The following SMIM13 variants were observed in gnomAD, a reference collection of about 807,000 sequenced individuals.
The protein encoded by SMIM13 is small integral membrane protein 13.
A neutral mutation model predicts 5.9 loss-of-function variants in SMIM13; 3 were observed. That is an observed-to-expected ratio of 0.51 (90% CI 0.23 to 1.31). SMIM13 has a LOEUF of 1.31. Among genes scored for constraint, SMIM13 ranks in the 40% most tolerant of loss-of-function variants. The pLI is 0.18. For synonymous variants in SMIM13, 55 were observed against 46.0 expected, an observed-to-expected ratio of 1.19 and a Z score of -0.79; for missense variants, 85 against 109.9, an observed-to-expected ratio of 0.77 and a Z score of 1.01.
At chr6:11,110,414 C>G (rs887061390) in intron 1 of SMIM13, among the ~76,000 whole-genome samples, 2 of 152,190 alleles carry the variant, frequency 1.3e-5, no homozygotes, top group Non-Finnish European at 1.5e-5. Context: ...ATTCTAGCAA[C>G]AGAATGATTA....
At chr6:11,124,051 ATTG>A (rs1359104812) in intron 1 of SMIM13, among the ~76,000 whole-genome samples, 1 of 152,134 alleles carries the variant, frequency 6.6e-6, no homozygotes, top group Non-Finnish European at 1.5e-5. Context: ...ACAGTAAGTT[ATTG>A]TTGACTGTAA....
rs1322720091 is a variant in SMIM13, at chr6:11,136,478, A to G, written c.*1876A>G. Reference sequence around the variant, plus strand: ...AAAATATCTATTTAACCTCTATTTTATGATGGTGTGTTATTATGTTTGATA... The same window carrying G: ...AAAATATCTATTTAACCTCTATTTTGTGATGGTGTGTTATTATGTTTGATA... On this transcript the variant is annotated 3_prime_UTR_variant, in exon 2 of 2. Coordinates refer to ENST00000416247, the MANE Select transcript of SMIM13 (RefSeq NM_001135575.2). 2 of 152,196 alleles carry G rather than the reference A, an allele frequency of 1.3e-5. No individual in the cohort carries two copies. The highest frequency in any genetic ancestry group is 2.9e-5 in the Non-Finnish European group (2 of 68,028). The allele number at this position is 152,196 out of a possible 1,614,324, so 9.4% of individuals were successfully genotyped here.
chr6:11,133,679 T>A (rs1031888413), intron 1 of SMIM13, among the ~76,000 whole-genome samples: 1 of 152,180 alleles, frequency 6.6e-6, no homozygotes, highest in African/African-American at 2.4e-5. Context: ...TTGATTAATG[T>A]TTGTTCCTTA....
intron 1 of SMIM13, among the ~76,000 whole-genome samples, chr6:11,121,525 C>G (rs1234585252): frequency 1.3e-5 from 2 of 152,032 alleles, no homozygotes; most frequent in Admixed American, 1.3e-4. Flanking sequence ...GCCCAGAGTC[C>G]GGATTAGGTT....
At chr6:11,116,049 A>C (rs1581916871) in intron 1 of SMIM13, among the ~76,000 whole-genome samples, 14 of 95,226 alleles carry the variant, frequency 1.5e-4, no homozygotes, top group African/African-American at 3.9e-4. Flanking sequence ...ACAGAGTCTC[A>C]CTCTGTCACT....
At chr6:11,113,854 G>A (rs961753404) in intron 1 of SMIM13, among the ~76,000 whole-genome samples, 3 of 151,968 alleles carry the variant, frequency 2.0e-5, no homozygotes, top group African/African-American at 4.8e-5. Context: ...TGGGATTACA[G>A]GCATGAGCCA....
intron 1 of SMIM13, among the ~76,000 whole-genome samples, chr6:11,122,138 AT>A (rs1758320322): frequency 6.6e-6 from 1 of 152,168 alleles, no homozygotes; most frequent in African/African-American, 2.4e-5. Flanking sequence ...CTGCATGTCC[AT>A]CGCAATCATT....
At chr6:11,117,058 T>G (rs1758249879) in intron 1 of SMIM13, among the ~76,000 whole-genome samples, 1 of 137,032 alleles carries the variant, frequency 7.3e-6, no homozygotes, top group South Asian at 2.6e-4. Flanking sequence ...TGGCGCGATC[T>G]CGGCTCACTG....
chr6:11,122,192 T>C (rs942374943), intron 1 of SMIM13, among the ~76,000 whole-genome samples: 2 of 152,212 alleles, frequency 1.3e-5, no homozygotes, highest in Non-Finnish European at 2.9e-5. Flanking sequence ...TCCCTGGAGA[T>C]TGATTTTGGG....
intron 1 of SMIM13, among the ~76,000 whole-genome samples, chr6:11,126,212 G>C (rs546500941): frequency 1.3e-5 from 2 of 152,160 alleles, no homozygotes; most frequent in African/African-American, 2.4e-5. Context: ...ACCACACCCA[G>C]CTAATTTTTG....
intron 1 of SMIM13, among the ~76,000 whole-genome samples, chr6:11,117,163 G>A (rs867841540): frequency 4.0e-5 from 4 of 100,660 alleles, no homozygotes; most frequent in Admixed American, 3.9e-4. Context: ...GCTAATTTTT[G>A]TATTTTTTTT....
chr6:11,121,733 C>G (rs1213966657), intron 1 of SMIM13, among the ~76,000 whole-genome samples: 1 of 152,198 alleles, frequency 6.6e-6, no homozygotes, highest in Non-Finnish European at 1.5e-5. Context: ...TGCATAAGTG[C>G]TGTATTAAAC....
Position 11,134,629 on chromosome 6 carries a change from C to G in SMIM13, c.*27C>G, listed in dbSNP as rs148895478. Reference sequence around the variant, plus strand: ...CCTGTACTTGTGAAGGATGAAAAGGCAGTTGCCAGCTTCTGTCTTTTACTG... The same window carrying G: ...CCTGTACTTGTGAAGGATGAAAAGGGAGTTGCCAGCTTCTGTCTTTTACTG... On this transcript the variant is annotated 3_prime_UTR_variant, in exon 2 of 2. Coordinates refer to ENST00000416247, the MANE Select transcript of SMIM13 (RefSeq NM_001135575.2). 2.1e-5 allele frequency: 30 copies of G among 1,407,090 alleles called. No homozygotes were observed. In the East Asian group the frequency reaches 7.9e-4, roughly 37 times the overall value. 87.2% of individuals were successfully genotyped at this position (1,407,090 alleles called of 1,614,324 possible).
intron 1 of SMIM13, among the ~76,000 whole-genome samples, chr6:11,114,638 G>A (rs371989243): frequency 1.5e-4 from 16 of 108,608 alleles, no homozygotes; most frequent in African/African-American, 4.4e-4. Flanking sequence ...TCACTCTGTC[G>A]CCCAGGCTGG....
intron 1 of SMIM13, among the ~76,000 whole-genome samples, chr6:11,124,876 T>C (rs1469793476): frequency 6.6e-6 from 1 of 152,136 alleles, no homozygotes; most frequent in African/African-American, 2.4e-5. Flanking sequence ...GGTTTGGTGT[T>C]GACTAAATCC....
At chr6:11,104,830 A>T in intron 1 of SMIM13, 1 of 1,614,206 alleles carries the variant, frequency 6.2e-7, no homozygotes, top group African/African-American at 1.3e-5. Flanking sequence ...TTGTGGGTGT[A>T]TGTTTGGTAA....
intron 1 of SMIM13, chr6:11,105,519 C>G (rs1758072647): frequency 3.7e-6 from 2 of 543,260 alleles, no homozygotes; most frequent in Non-Finnish European, 6.7e-6. Flanking sequence ...CAGTGCCTTG[C>G]AAGTGTATTC....
chr6:11,131,829 C>T (rs1320504455), intron 1 of SMIM13, among the ~76,000 whole-genome samples: 1 of 152,092 alleles, frequency 6.6e-6, no homozygotes. Flanking sequence ...AGAAGAACTA[C>T]ATAGATGTAA....
At chr6:11,120,482 C>T (rs1006057118) in intron 1 of SMIM13, among the ~76,000 whole-genome samples, 14 of 152,148 alleles carry the variant, frequency 9.2e-5, no homozygotes, top group African/African-American at 3.4e-4. Context: ...TTAATAAATG[C>T]ATTAATCCCA....
Sources: allele counts gnomAD v4.1 joint callset (sites outside exome capture counted in the v4.1 genomes callset), GRCh38; gene constraint gnomAD v4.1.1; transcripts MANE v1.5; gene names NCBI Gene and HGNC (gene_info 2026-07-23, HGNC 2026-07-21).